The following PCDHGA8 variants were observed in gnomAD, a reference collection of about 807,000 sequenced individuals.
The protein encoded by PCDHGA8 is protocadherin gamma-A8.
A neutral mutation model predicts 59.2 loss-of-function variants in PCDHGA8; 45 were observed. The observed-to-expected ratio is 0.76, with a 90% CI of 0.60 to 0.98. PCDHGA8 has a LOEUF of 0.98. Ranked by LOEUF, PCDHGA8 falls within the 50% of genes least tolerant of loss-of-function variation. The probability of loss-of-function intolerance (pLI) is 0.00; values close to 1 mark genes in which losing one functional copy is unlikely to be tolerated. For synonymous variants in PCDHGA8, 531 were observed against 519.0 expected, an observed-to-expected ratio of 1.02 and a Z score of -0.32; for missense variants, 1,257 against 1,196.2, an observed-to-expected ratio of 1.05 and a Z score of -0.75.
Position 141,419,013 on chromosome 5 carries a change from G to C in PCDHGA8, c.2424+23776G>C, listed in dbSNP as rs746229802. The C allele has an allele frequency of 6.9e-5, 111 of 1,613,840 alleles. No individual in the cohort carries two copies. In the East Asian group the frequency reaches 2.4e-3, roughly 35 times the overall value. ...GGGGAAAATGGGGAAGTCAGGTGTA[G>C]CTTAAGTAGAGGTGTTCCATTTAAG... is the stretch of plus-strand genomic sequence containing the variant. On this transcript the variant is annotated intron_variant, in intron 1 of 3. Transcript: ENST00000398604.
intron 1 of PCDHGA8, chr5:141,414,451 G>C (rs1390702349): frequency 1.9e-6 from 3 of 1,613,874 alleles, no homozygotes; most frequent in Non-Finnish European, 2.5e-6. Context: ...CAATATCACA[G>C]TGACAGCCAC....
At position 141,409,239 on chromosome 5, in the gene PCDHGA8, A is replaced by C. The variant is rs1330242516; in HGVS notation, c.2424+14002A>C. The C allele has an allele frequency of 5.0e-6, 8 of 1,613,920 alleles. No individual in the cohort carries two copies. In the Admixed American group the frequency reaches 1.3e-4, roughly 27 times the overall value. On this transcript the variant is annotated intron_variant, in intron 1 of 3. Transcript: ENST00000398604. ...CTTGATGAAAACGACAACAGCCCAG[A>C]AATAATCATCACTTCTCTCTCTGAT... is the stretch of plus-strand genomic sequence containing the variant.
At chr5:141,414,949 G>C (rs774769957) in intron 1 of PCDHGA8, 13 of 1,613,978 alleles carry the variant, frequency 8.1e-6, no homozygotes, top group African/African-American at 1.3e-5. Context: ...CGGCTACCTG[G>C]TGACCAAGGT....
At chr5:141,398,611 A>C (rs2093677658) in intron 1 of PCDHGA8, 3 of 1,613,944 alleles carry the variant, frequency 1.9e-6, no homozygotes, top group Non-Finnish European at 2.5e-6. Flanking sequence ...AGATGCAGAT[A>C]TTGGCTTAAA....
chr5:141,498,786 A>T (rs2099785591), intron 2 of PCDHGA8, among the ~76,000 whole-genome samples: 1 of 152,050 alleles, frequency 6.6e-6, no homozygotes, highest in East Asian at 1.9e-4. Context: ...ACAAAATATT[A>T]GCCAGGTGTG....
chr5:141,420,335 A>G (rs2096490280), intron 1 of PCDHGA8: 1 of 1,403,918 alleles, frequency 7.1e-7, no homozygotes, highest in Non-Finnish European at 9.5e-7. Flanking sequence ...ATATTCCAAT[A>G]TAGTGGTATT....
chr5:141,490,604 A>T lies in PCDHGA8; in HGVS notation c.2425-4203A>T, dbSNP rs749528675. ...GTCAATGACAATGCACCCCGCTTCA[A>T]CCAGCAGCTTTACACTGCTTACATC... On this transcript the variant is annotated intron_variant, in intron 1 of 3. Transcript: ENST00000398604. The surrounding 1 kb of genome is among the most constrained non-coding windows in gnomAD (Gnocchi z 5.4). 6.2e-7 allele frequency: 1 copy of T among 1,614,192 alleles called. No homozygotes were observed. The highest frequency in any genetic ancestry group is 8.5e-7 in the Non-Finnish European group (1 of 1,180,022).
At chr5:141,407,336 G>C (rs1005803062) in intron 1 of PCDHGA8, among the ~76,000 whole-genome samples, 1 of 152,124 alleles carries the variant, frequency 6.6e-6, no homozygotes, top group South Asian at 2.1e-4. Context: ...ATATTGAAAT[G>C]TATGTTAATT....
chr5:141,419,681 G>T (rs377117997), intron 1 of PCDHGA8: 89 of 1,612,904 alleles, frequency 5.5e-5, no homozygotes, highest in Non-Finnish European at 7.0e-5. Flanking sequence ...GTCCTACCAC[G>T]TGGTGCAGGC....
rs769187557 is a variant in PCDHGA8, at chr5:141,433,087, A to C, written c.2424+37850A>C. 2.5e-6 allele frequency: 4 copies of C among 1,614,206 alleles called. No homozygotes were observed. In the Admixed American group the frequency reaches 6.7e-5, roughly 27 times the overall value. On this transcript the variant is annotated intron_variant, in intron 1 of 3. Transcript: ENST00000398604. The stretch of plus-strand genomic sequence containing the variant: ...TGATCTTCCCCCAGCCCAACTATGC[A>C]GACATGCTCGTCAGCCAGGAGAGCT...
intron 1 of PCDHGA8, among the ~76,000 whole-genome samples, chr5:141,471,039 A>G (rs1175460270): frequency 7.2e-6 from 1 of 137,964 alleles, no homozygotes; most frequent in Non-Finnish European, 1.5e-5. Context: ...TAACAAGCCC[A>G]AGCCCTCTTT....
At chr5:141,459,891 CT>C (rs1405964049) in intron 1 of PCDHGA8, among the ~76,000 whole-genome samples, 1 of 152,158 alleles carries the variant, frequency 6.6e-6, no homozygotes, top group African/African-American at 2.4e-5. Flanking sequence ...TGAACGCCTT[CT>C]TAAAATTGAG....
rs546494803 is a variant in PCDHGA8 at position 141,425,207 on chromosome 5, G to C, written c.2424+29970G>C. Among the ~76,000 whole-genome samples, 7 of 152,120 alleles carry C rather than the reference G, an allele frequency of 4.6e-5. No homozygotes were observed. In the East Asian group the frequency reaches 1.2e-3, roughly 25 times the overall value. ...TCCAAACTGAGAAAAATGATGTAAG[G>C]CATTGTACTTTGACTGGAATTAGTT... On this transcript the variant is annotated intron_variant, in intron 1 of 3. Transcript: ENST00000398604.
intron 3 of PCDHGA8, 89 bp from the exon 4 acceptor site, chr5:141,510,858 T>C (rs992991460): frequency 5.8e-5 from 93 of 1,606,182 alleles, no homozygotes; most frequent in South Asian, 1.0e-4. Flanking sequence ...GGGTGCTGTA[T>C]AGGCATTCAT....
At chr5:141,502,368 G>A (rs2099813930) in intron 2 of PCDHGA8, among the ~76,000 whole-genome samples, 1 of 151,996 alleles carries the variant, frequency 6.6e-6, no homozygotes, top group East Asian at 1.9e-4. Context: ...TATTTTTAAA[G>A]AGTCCAGGCC....
In PCDHGA8 at chr5:141,393,013, T is replaced by A. The variant is rs754075095; in HGVS notation, c.200T>A (p.Val67Asp). Reference protein sequence around the residue: ...RKLAKHGVRIVSRGRTQLFAL... With the variant: ...RKLAKHGVRIDSRGRTQLFAL... ...CTGGCGAAGCACGGAGTCCGTATCG[T>A]CTCCAGAGGTAGGACGCAGCTCTTT... The change falls in exon 1 of 4, where the codon GTC becomes GAC. Residue 67 changes from valine (V) to aspartate (D), a missense_variant. Physicochemically the swap from Val to Asp is radical, Grantham distance 152 (BLOSUM62 -3). Coordinates refer to ENST00000398604, the MANE Select transcript of PCDHGA8 (RefSeq NM_032088.2). 1 of 1,613,694 alleles carries A rather than the reference T, an allele frequency of 6.2e-7. No individual in the cohort carries two copies. The highest frequency in any genetic ancestry group is 1.3e-5 in the African/African-American group (1 of 74,918).
chr5:141,403,995 C>T, intron 1 of PCDHGA8: 1 of 1,613,762 alleles, frequency 6.2e-7, no homozygotes, highest in Non-Finnish European at 8.5e-7. Context: ...CCTGAAGTGA[C>T]CATTACATCT....
chr5:141,471,003 C>A (rs2099246040), intron 1 of PCDHGA8, among the ~76,000 whole-genome samples: 1 of 151,658 alleles, frequency 6.6e-6, no homozygotes, highest in East Asian at 1.9e-4. Flanking sequence ...AGGCATGAGC[C>A]ACTGTGCCTG....
rs979237199 is a variant in PCDHGA8, at chr5:141,477,828, G to C, written c.2425-16979G>C. On this transcript the variant is annotated intron_variant, in intron 1 of 3. Transcript: ENST00000398604. This position sits in a 1 kb window ranked among gnomAD's most constrained non-coding sequence, Gnocchi z 4.9. Reference sequence around the variant, plus strand: ...AATGCCCCCCAGGTCCTATATCCTCGGCCAGGTGGGAGCTCGGTGGAGATG... The same window carrying C: ...AATGCCCCCCAGGTCCTATATCCTCCGCCAGGTGGGAGCTCGGTGGAGATG... The C allele has an allele frequency of 3.7e-6, 6 of 1,614,082 alleles. No individual in the cohort carries two copies. The highest frequency in any genetic ancestry group is 3.4e-6 in the Non-Finnish European group (4 of 1,180,006).
Sources: allele counts gnomAD v4.1 joint callset (sites outside exome capture counted in the v4.1 genomes callset), GRCh38; gene constraint gnomAD v4.1.1; non-coding constraint Gnocchi (gnomAD v3.1); transcripts MANE v1.5; gene names NCBI Gene and HGNC (gene_info 2026-07-23, HGNC 2026-07-21).